Variants in FYB1 observed in about 807,000 individuals in gnomAD.
FYB1 encodes FYN binding protein 1.
Under a neutral mutation model 94.1 loss-of-function variants are expected in FYB1, and 41 were observed. That is an observed-to-expected ratio of 0.44 (90% CI 0.34 to 0.57). FYB1 has a LOEUF of 0.57. FYB1 is among the 20% of genes least tolerant of loss of function. The probability of loss-of-function intolerance (pLI) is 0.02; values close to 1 mark genes in which losing one functional copy is unlikely to be tolerated. For missense variants in FYB1, 1,050 were observed against 976.8 expected, an observed-to-expected ratio of 1.07 and a Z score of -1.00; for synonymous variants, 367 against 353.2, an observed-to-expected ratio of 1.04 and a Z score of -0.44.
chr5:39,126,283 G>A, intron 11 of FYB1, 148 bp from the exon 12 acceptor site: 2 of 837,816 alleles, frequency 2.4e-6, no homozygotes, highest in South Asian at 2.1e-5. Context: ...GGACAAAATA[G>A]TGTTATTAAA....
At chr5:39,130,290 T>C (rs1741076482) in intron 10 of FYB1, among the ~76,000 whole-genome samples, 1 of 151,838 alleles carries the variant, frequency 6.6e-6, no homozygotes, top group Non-Finnish European at 1.5e-5. Flanking sequence ...TGAAGAGAGA[T>C]TGGTGAATGG....
chr5:39,197,723 C>T (rs995516560), intron 2 of FYB1, among the ~76,000 whole-genome samples: 1 of 152,224 alleles, frequency 6.6e-6, no homozygotes, highest in Non-Finnish European at 1.5e-5. Flanking sequence ...GAGTCAGATG[C>T]CTTCGCTTGG....
intron 7 of FYB1, 177 bp downstream of exon 7, chr5:39,137,423 A>T: frequency 1.8e-6 from 1 of 551,692 alleles, no homozygotes; most frequent in South Asian, 2.8e-5. Context: ...TTATTATATT[A>T]GTTCAGGGAT....
At chr5:39,126,810 G>A (rs1207979543) in intron 11 of FYB1, among the ~76,000 whole-genome samples, 1 of 150,750 alleles carries the variant, frequency 6.6e-6, no homozygotes, top group Non-Finnish European at 1.5e-5. Flanking sequence ...TGTAATCCCA[G>A]CACTTTGGGA....
chr5:39,251,981 A>G (rs1218461568), intron 1 of FYB1, among the ~76,000 whole-genome samples: 4 of 151,984 alleles, frequency 2.6e-5, no homozygotes, highest in African/African-American at 9.7e-5. Flanking sequence ...CATCTCTACT[A>G]AAATATAAAA....
intron 1 of FYB1, among the ~76,000 whole-genome samples, chr5:39,204,240 C>A (rs995544714): frequency 6.6e-6 from 1 of 152,142 alleles, no homozygotes; most frequent in African/African-American, 2.4e-5. Flanking sequence ...TGAGAACTAC[C>A]ATTTAGTGGG....
chr5:39,152,871 T>C (rs1743368131), intron 3 of FYB1, among the ~76,000 whole-genome samples: 1 of 152,336 alleles, frequency 6.6e-6, no homozygotes, highest in African/African-American at 2.4e-5. Flanking sequence ...AGCATAGTAG[T>C]TTAAAGCACA....
At chr5:39,139,162 G>A (rs1347916066) in intron 5 of FYB1, 71 bp downstream of exon 5, 16 of 1,323,650 alleles carry the variant, frequency 1.2e-5, no homozygotes, top group East Asian at 5.3e-5. Flanking sequence ...GTACCAATAC[G>A]GAGTGAATCA....
chr5:39,127,104 A>G lies in FYB1; in HGVS notation c.1907+637T>C, dbSNP rs1257529378. ...AAAAAGAAATCTTAAACTTTTAAAT[A>G]TGCCATTTAAAATGGAAAAAGAAAA... is the stretch of plus-strand genomic sequence containing the variant. On this transcript the variant is annotated intron_variant, in intron 11 of 18. Transcript: ENST00000512982. 3.3e-5 allele frequency among the ~76,000 whole-genome samples: 5 copies of G among 150,526 alleles called. No individual in the cohort carries two copies. In the South Asian group the frequency reaches 8.3e-4, roughly 25 times the overall value.
intron 16 of FYB1, among the ~76,000 whole-genome samples, chr5:39,117,503 T>C (rs1474629765): frequency 6.6e-6 from 1 of 152,188 alleles, no homozygotes; most frequent in African/African-American, 2.4e-5. Flanking sequence ...TTTCTACACA[T>C]TATCTTCAGT....
intron 3 of FYB1, 57 bp from the exon 4 acceptor site, chr5:39,141,198 ATG>A: frequency 9.0e-7 from 1 of 1,114,508 alleles, no homozygotes; most frequent in Admixed American, 2.2e-5. Flanking sequence ...TCACCTTACA[ATG>A]AAAAAGGGAA....
intron 14 of FYB1, among the ~76,000 whole-genome samples, chr5:39,121,921 A>G (rs1740151848): frequency 1.3e-5 from 2 of 152,150 alleles, no homozygotes; most frequent in African/African-American, 4.8e-5. Flanking sequence ...AAGTATATTC[A>G]AGAAAAAAAG....
At chr5:39,166,849 G>T (rs547576418) in intron 2 of FYB1, among the ~76,000 whole-genome samples, 1 of 151,938 alleles carries the variant, frequency 6.6e-6, no homozygotes, top group South Asian at 2.1e-4. Context: ...TAATTAATGG[G>T]TACAATGTAC....
intron 2 of FYB1, among the ~76,000 whole-genome samples, chr5:39,174,570 T>TA (rs1745544968): frequency 6.6e-6 from 1 of 152,184 alleles, no homozygotes; most frequent in Non-Finnish European, 1.5e-5. Flanking sequence ...TCTCCCTTTT[T>TA]ATCAAAGATG....
intron 2 of FYB1, among the ~76,000 whole-genome samples, chr5:39,161,273 C>T (rs1318751028): frequency 6.6e-6 from 1 of 152,044 alleles, no homozygotes; most frequent in African/African-American, 2.4e-5. Context: ...TTTTCTTTTT[C>T]TTTTGTCCTT....
At chr5:39,132,159 T>A (rs1224276226) in intron 9 of FYB1, among the ~76,000 whole-genome samples, 1 of 151,922 alleles carries the variant, frequency 6.6e-6, no homozygotes, top group Non-Finnish European at 1.5e-5. Context: ...GCTCCCGGAG[T>A]TTGAAGCACT....
At chr5:39,178,357 G>A (rs1037794590) in intron 2 of FYB1, among the ~76,000 whole-genome samples, 5 of 152,198 alleles carry the variant, frequency 3.3e-5, no homozygotes, top group Non-Finnish European at 7.3e-5. Flanking sequence ...TTACAGTAGC[G>A]TTTATTGAGT....
At position 39,125,943 on chromosome 5, in the gene FYB1, T is replaced by C. The variant is rs147362795; in HGVS notation, c.2045+55A>G. The C allele has an allele frequency of 1.5e-4, 227 of 1,535,868 alleles. No homozygotes were observed. The African/African-American group carries it at 2.4e-3, about 16-fold the overall frequency. ...GTTATAGAATATTAGTAGCATTTGA[T>C]TCAATACATATTAGTGTAGTTATTG... On this transcript the variant is annotated intron_variant, in intron 12 of 18. Transcript: ENST00000512982.
At chr5:39,250,927 C>T (rs529401426) in intron 1 of FYB1, 2 of 152,304 alleles carry the variant, frequency 1.3e-5, no homozygotes, top group African/African-American at 4.8e-5. Flanking sequence ...ACCCTGAAGT[C>T]ACCTTAATAA....
Sources: allele counts gnomAD v4.1 joint callset (sites outside exome capture counted in the v4.1 genomes callset), GRCh38; gene constraint gnomAD v4.1.1; transcripts MANE v1.5; gene names NCBI Gene and HGNC (gene_info 2026-07-23, HGNC 2026-07-21).